The following CAST variants were observed in gnomAD, a reference collection of about 807,000 sequenced individuals.
CAST encodes the protein calpastatin, also known as MIR583 host.
Under a neutral mutation model 119.6 loss-of-function variants are expected in CAST, and 76 were observed. The observed-to-expected ratio is 0.64, with a 90% CI of 0.53 to 0.77. The LOEUF (loss-of-function observed/expected upper bound fraction) is 0.77, where lower values mean the gene tolerates loss of function less well. CAST is among the 30% of genes least tolerant of loss of function. The pLI is 0.00. For synonymous variants in CAST, 319 were observed against 331.6 expected (o/e 0.96, Z 0.41); for missense variants, 953 against 946.5 (o/e 1.01, Z -0.09).
chr5:96,208,209 CT>C, the CAST span, among the ~76,000 whole-genome samples: 10 of 149,436 alleles, frequency 6.7e-5, no homozygotes, highest in South Asian at 2.1e-4. Flanking sequence ...GATCTTCTCC[CT>C]TTTTTTTTCC....
the CAST span, among the ~76,000 whole-genome samples, chr5:96,277,889 G>T: frequency 6.6e-6 from 1 of 152,080 alleles, no homozygotes. Flanking sequence ...TTTGATAATA[G>T]CAGCCAGCAG....
At chr5:96,324,932 C>A in the CAST span, among the ~76,000 whole-genome samples, 1 of 152,176 alleles carries the variant, frequency 6.6e-6, no homozygotes, top group Non-Finnish European at 1.5e-5. Flanking sequence ...TTGCCAGGCA[C>A]AGTGACTCAT....
At chr5:96,074,910 T>A in the CAST span, among the ~76,000 whole-genome samples, 4 of 152,218 alleles carry the variant, frequency 2.6e-5, no homozygotes, top group Admixed American at 2.0e-4. Flanking sequence ...AATCATGATT[T>A]AGCTCTTACA....
chr5:96,753,956 G>T, intron 20 of CAST, 104 bp from the exon 21 acceptor site: 1 of 697,826 alleles, frequency 1.4e-6, no homozygotes, highest in Non-Finnish European at 2.6e-6. Context: ...AAGATAGCGT[G>T]TGCCTTTTAT....
At chr5:96,017,298 G>A in the CAST span, among the ~76,000 whole-genome samples, 4 of 152,108 alleles carry the variant, frequency 2.6e-5, no homozygotes, top group African/African-American at 7.2e-5. Flanking sequence ...TTATCAAAGC[G>A]CAGATCCTAG....
At chr5:96,313,830 C>T in the CAST span, among the ~76,000 whole-genome samples, 1 of 151,814 alleles carries the variant, frequency 6.6e-6, no homozygotes, top group East Asian at 1.9e-4. Flanking sequence ...GTCATGATAC[C>T]TCATTTTGTC....
chr5:96,734,938 G>A (rs535447332), intron 9 of CAST, among the ~76,000 whole-genome samples: 3 of 152,094 alleles, frequency 2.0e-5, no homozygotes, highest in Admixed American at 1.3e-4. Flanking sequence ...GAGAAAGAGT[G>A]GATGGAATAG....
the CAST span, among the ~76,000 whole-genome samples, chr5:96,062,182 C>G: frequency 2.0e-5 from 3 of 152,070 alleles, no homozygotes; most frequent in African/African-American, 7.2e-5. Flanking sequence ...CCAAGGAACC[C>G]TTTACAGCAA....
the CAST span, among the ~76,000 whole-genome samples, chr5:96,169,816 A>C: frequency 2.6e-5 from 4 of 152,190 alleles, no homozygotes; most frequent in Non-Finnish European, 4.4e-5. Flanking sequence ...GCTGTAGCCC[A>C]GGAATAGTCA....
At chr5:96,332,653 A>G in the CAST span, among the ~76,000 whole-genome samples, 1 of 152,138 alleles carries the variant, frequency 6.6e-6, no homozygotes, top group Non-Finnish European at 1.5e-5. Flanking sequence ...CAAATGTGAC[A>G]TGATGGGGTA....
the CAST span, among the ~76,000 whole-genome samples, chr5:96,346,581 G>A: frequency 1.3e-5 from 2 of 152,080 alleles, no homozygotes; most frequent in Non-Finnish European, 1.5e-5. Flanking sequence ...TGGATACACA[G>A]TACCACATAA....
the CAST span, among the ~76,000 whole-genome samples, chr5:96,241,825 C>G: frequency 6.6e-6 from 1 of 150,750 alleles, no homozygotes; most frequent in Non-Finnish European, 1.5e-5. Flanking sequence ...TGATGGTGAG[C>G]ATTTTTTCAT....
At chr5:96,511,768 G>T in the CAST span, among the ~76,000 whole-genome samples, 3 of 152,196 alleles carry the variant, frequency 2.0e-5, no homozygotes, top group Admixed American at 2.0e-4. Context: ...TTTCCAGAAT[G>T]ACCTAGAGAA....
chr5:96,752,153 A>G (rs181174549), intron 20 of CAST, among the ~76,000 whole-genome samples: 1 of 152,346 alleles, frequency 6.6e-6, no homozygotes, highest in Admixed American at 6.5e-5. Flanking sequence ...AAATTTATTA[A>G]GGAAACCCAG....
the CAST span, among the ~76,000 whole-genome samples, chr5:96,174,033 C>T: frequency 2.0e-5 from 3 of 152,182 alleles, no homozygotes; most frequent in Admixed American, 6.5e-5. Flanking sequence ...TGAGCCACCG[C>T]GCCCGGCCTG....
At chr5:96,338,562 C>T in the CAST span, among the ~76,000 whole-genome samples, 41,226 of 151,988 alleles carry the variant, frequency 0.27, 5,788 homozygotes, top group South Asian at 0.32. Context: ...CTTCTCCCCC[C>T]AAACAACTTT....
chr5:96,692,578 G>A (rs1430713978), intron 2 of CAST, among the ~76,000 whole-genome samples: 3 of 152,114 alleles, frequency 2.0e-5, no homozygotes, highest in Admixed American at 6.5e-5. Flanking sequence ...TTACCTCAGG[G>A]CCCTTGCACG....
chr5:96,295,388 G>A, the CAST span, among the ~76,000 whole-genome samples: 26 of 152,260 alleles, frequency 1.7e-4, no homozygotes, highest in Admixed American at 7.2e-4. Flanking sequence ...TGAAATCACT[G>A]AGGACTTTAT....
At chr5:96,368,846 C>T in the CAST span, among the ~76,000 whole-genome samples, 1 of 152,114 alleles carries the variant, frequency 6.6e-6, no homozygotes, top group Non-Finnish European at 1.5e-5. Flanking sequence ...TACCCACACC[C>T]TTAATTGGCT....
Sources: gnomAD v4.1 joint callset for allele counts (sites outside exome capture counted in the v4.1 genomes callset) on GRCh38, gnomAD v4.1.1 for gene constraint, MANE v1.5 for transcripts, NCBI Gene and HGNC (gene_info 2026-07-23, HGNC 2026-07-21) for gene names.